NCOA2: variants seen among roughly 807,000 people sequenced by gnomAD.
NCOA2 encodes class E basic helix-loop-helix protein 75.
A neutral mutation model predicts 145.1 loss-of-function variants in NCOA2; 21 were observed. That is an observed-to-expected ratio of 0.14 (90% CI 0.10 to 0.21). The LOEUF is 0.21. Among genes scored for constraint, NCOA2 ranks in the 10% least tolerant of loss-of-function variants. The pLI, the probability that NCOA2 is intolerant of heterozygous loss-of-function variation, is 1.00. For synonymous variants in NCOA2, 619 were observed against 637.5 expected (o/e 0.97, Z 0.44); for missense variants, 1,472 against 1,837.6 (o/e 0.80, Z 3.64).
intron 9 of NCOA2, 21 bp from the exon 10 acceptor site, chr8:70,159,673 A>G: frequency 1.3e-6 from 2 of 1,596,762 alleles, no homozygotes; most frequent in Non-Finnish European, 1.7e-6. Context: ...GCAAGGAAAC[A>G]GAAGGCACGT....
At chr8:70,337,462 C>G (rs1007621932) in intron 1 of NCOA2, among the ~76,000 whole-genome samples, 2 of 152,052 alleles carry the variant, frequency 1.3e-5, no homozygotes, top group Non-Finnish European at 2.9e-5. Flanking sequence ...TGCTGAGACT[C>G]GAATAGTGAT....
At chr8:70,261,689 T>A (rs963478438) in intron 2 of NCOA2, among the ~76,000 whole-genome samples, 1 of 152,002 alleles carries the variant, frequency 6.6e-6, no homozygotes, top group Non-Finnish European at 1.5e-5. Context: ...AAAAAGGGAA[T>A]AATCACAATA....
At chr8:70,129,563 C>G (rs117199418) in intron 16 of NCOA2, among the ~76,000 whole-genome samples, 1 of 152,190 alleles carries the variant, frequency 6.6e-6, no homozygotes. Context: ...CAATGTGATG[C>G]GCTGCCTATT....
chr8:70,131,771 CAG>C, intron 16 of NCOA2, 64 bp downstream of exon 16: 1 of 1,490,078 alleles, frequency 6.7e-7, no homozygotes, highest in South Asian at 1.3e-5. Flanking sequence ...TACCTGTAAA[CAG>C]AAAATGGACA....
intron 2 of NCOA2, among the ~76,000 whole-genome samples, chr8:70,265,076 C>T (rs1016363353): frequency 1.3e-5 from 2 of 152,082 alleles, no homozygotes; most frequent in African/African-American, 2.4e-5. Flanking sequence ...ATGGACTCAA[C>T]GTCTATGGGG....
At chr8:70,436,867 G>T in the NCOA2 span, among the ~76,000 whole-genome samples, 3 of 152,156 alleles carry the variant, frequency 2.0e-5, no homozygotes, top group Non-Finnish European at 2.9e-5. Flanking sequence ...GAAGCATAGA[G>T]GAGGGGAACA....
chr8:70,160,682 G>GAGAGAGAGGGAGA (rs371258460), intron 9 of NCOA2, among the ~76,000 whole-genome samples: 2 of 58,300 alleles, frequency 3.4e-5, no homozygotes, highest in African/African-American at 8.4e-5. Context: ...AGAGAGAGAG[G>GAGAGAGAGGGAGA]GAGAGAGAGA....
At chr8:70,247,650 G>A (rs1329739175) in intron 2 of NCOA2, among the ~76,000 whole-genome samples, 1 of 152,192 alleles carries the variant, frequency 6.6e-6, no homozygotes, top group Admixed American at 6.5e-5. Flanking sequence ...CTGCTCACAA[G>A]GTCATGAAAC....
At chr8:70,308,487 G>T (rs943352645) in intron 1 of NCOA2, among the ~76,000 whole-genome samples, 6 of 152,000 alleles carry the variant, frequency 3.9e-5, no homozygotes, top group South Asian at 2.1e-4. Context: ...ATATGTGTGT[G>T]TGTGTATAAA....
At chr8:70,405,238 A>T (rs1331631391), upstream of NCOA2, among the ~76,000 whole-genome samples, 1 of 151,956 alleles carries the variant, frequency 6.6e-6, no homozygotes, top group Non-Finnish European at 1.5e-5. Flanking sequence ...TTTATTTGGG[A>T]AAAGAATAAA....
chr8:70,254,945 A>C (rs1457619513), intron 2 of NCOA2, among the ~76,000 whole-genome samples: 1 of 152,246 alleles, frequency 6.6e-6, no homozygotes. Context: ...AGTGCCTCTC[A>C]AATTTTTGCT....
chr8:70,323,256 G>A (rs75543073), intron 1 of NCOA2, among the ~76,000 whole-genome samples: 4,860 of 152,134 alleles, frequency 0.032, 251 homozygotes, highest in African/African-American at 0.11. Flanking sequence ...ACCATCTAGA[G>A]GAAACAAACT....
intron 2 of NCOA2, among the ~76,000 whole-genome samples, chr8:70,222,078 A>G (rs1038257017): frequency 6.6e-6 from 1 of 152,202 alleles, no homozygotes; most frequent in African/African-American, 2.4e-5. Context: ...TATAGTCTGT[A>G]TCTACAGATT....
At chr8:70,413,033 G>T in the NCOA2 span, among the ~76,000 whole-genome samples, 1 of 151,438 alleles carries the variant, frequency 6.6e-6, no homozygotes, top group African/African-American at 2.4e-5. Context: ...AGGAGGCAGT[G>T]GTTGCAGTGA....
At chr8:70,201,743 T>G (rs991086916) in intron 4 of NCOA2, among the ~76,000 whole-genome samples, 2 of 152,218 alleles carry the variant, frequency 1.3e-5, no homozygotes, top group African/African-American at 4.8e-5. Context: ...CTTCTTTCCC[T>G]GTAACCTGTA....
At chr8:70,236,337 C>T (rs894121152) in intron 2 of NCOA2, among the ~76,000 whole-genome samples, 95 of 152,252 alleles carry the variant, frequency 6.2e-4, no homozygotes, top group African/African-American at 2.0e-3. Flanking sequence ...CTTTCTCAAA[C>T]GTAATACAAG....
the NCOA2 span, among the ~76,000 whole-genome samples, chr8:70,417,275 G>C: frequency 1.7e-5 from 2 of 117,750 alleles, no homozygotes; most frequent in Non-Finnish European, 1.7e-5. Flanking sequence ...AAGGCCAGGC[G>C]CAGGGGCTCA....
chr8:70,279,300 C>A (rs1825702014), intron 2 of NCOA2, among the ~76,000 whole-genome samples: 2 of 152,128 alleles, frequency 1.3e-5, no homozygotes, highest in African/African-American at 4.8e-5. Flanking sequence ...CCATCACCTC[C>A]ACAATGACAT....
rs1586307055 is a variant in NCOA2, at chr8:70,266,680, C to T, written c.-20+30064G>A. Among the ~76,000 whole-genome samples, 5 of 152,330 alleles carry T rather than the reference C, an allele frequency of 3.3e-5. No homozygotes were observed. In the South Asian group the frequency reaches 1.0e-3, roughly 32 times the overall value. On this transcript the variant is annotated intron_variant, in intron 2 of 22. Coordinates refer to ENST00000452400, the MANE Select transcript of NCOA2 (RefSeq NM_006540.4). Reference sequence around the variant, plus strand: ...AGTTGTCTTCTAAGACCTTGCCACACAAGTCTTATCTAATCCATAAATGCC... The same window carrying T: ...AGTTGTCTTCTAAGACCTTGCCACATAAGTCTTATCTAATCCATAAATGCC...
Sources: allele counts gnomAD v4.1 joint callset (sites outside exome capture counted in the v4.1 genomes callset), GRCh38; gene constraint gnomAD v4.1.1; transcripts MANE v1.5; gene names NCBI Gene and HGNC (gene_info 2026-07-23, HGNC 2026-07-21).